Variants in ITGAM observed in about 807,000 individuals in gnomAD.
ITGAM encodes integrin subunit alpha M.
A neutral mutation model predicts 137.5 loss-of-function variants in ITGAM; 79 were observed. The observed-to-expected ratio is 0.57, with a 90% CI of 0.48 to 0.69. The LOEUF is 0.69. Among genes scored for constraint, ITGAM ranks in the 30% least tolerant of loss-of-function variants. The pLI is 0.00. For missense variants in ITGAM, 1,343 were observed against 1,483.5 expected (o/e 0.91, Z 1.56); for synonymous variants, 583 against 592.3 (o/e 0.98, Z 0.23).
In ITGAM at chr16:31,270,973, T is replaced by C. The variant is rs1465136582; in HGVS notation, c.447T>C (p.Ser149=). 2.5e-6 allele frequency: 4 copies of C among 1,574,594 alleles called. No homozygotes were observed. The highest frequency in any genetic ancestry group is 2.6e-6 in the Non-Finnish European group (3 of 1,156,714). Residue 149 remains serine, a synonymous_variant, in exon 6 of 30, where the codon AGT becomes AGC. Coordinates refer to ENST00000544665, the MANE Select transcript of ITGAM (RefSeq NM_000632.4). ...CCCCAGGGTGTCCTCAAGAGGATAGTGACATTGCCTTCTTGATTGATGGCT... is the reference window on the plus strand; with the variant it reads ...CCCCAGGGTGTCCTCAAGAGGATAGCGACATTGCCTTCTTGATTGATGGCT... ...EALRGCPQED[S]DIAFLIDGSG...
At chr16:31,296,837 G>A (rs1194783947) in intron 12 of ITGAM, among the ~76,000 whole-genome samples, 1 of 152,134 alleles carries the variant, frequency 6.6e-6, no homozygotes, top group African/African-American at 2.4e-5. Flanking sequence ...TTAAATAGGT[G>A]AATTTTATGG....
chr16:31,271,769 T>A, intron 6 of ITGAM, 78 bp from the exon 7 acceptor site: 1 of 1,558,866 alleles, frequency 6.4e-7, no homozygotes, highest in Non-Finnish European at 8.7e-7. Flanking sequence ...GTGTTTAAGA[T>A]CTTCGTGGAG....
At chr16:31,331,300 C>T in intron 29 of ITGAM, 25 bp downstream of exon 29, 1 of 1,304,852 alleles carries the variant, frequency 7.7e-7, no homozygotes. Flanking sequence ...TCCCCCACCC[C>T]CTCCCTTCAT....
chr16:31,262,341 T>A (rs79113991), intron 2 of ITGAM, among the ~76,000 whole-genome samples: 1,186 of 14,376 alleles, frequency 0.082, 21 homozygotes, highest in African/African-American at 0.14. Context: ...CCTTCCATCC[T>A]TCCTTCCTTC....
intron 14 of ITGAM, among the ~76,000 whole-genome samples, chr16:31,298,860 GACTTGT>G (rs2080166278): frequency 2.6e-5 from 4 of 152,238 alleles, no homozygotes; most frequent in Admixed American, 2.6e-4. Flanking sequence ...CCATCCTGAT[GACTTGT>G]CACCCTATAT....
rs149488037 is a variant in ITGAM, at chr16:31,290,580, C to A, written c.1357-6934C>A. Among the ~76,000 whole-genome samples, 408 of 152,156 alleles carry A rather than the reference C, an allele frequency of 2.7e-3. 4 individuals carry two copies. Among genetic ancestry groups the A allele is most frequent in the Non-Finnish European group, 2.2e-3 (150 of 68,006 alleles). On this transcript the variant is annotated intron_variant, in intron 12 of 29. Transcript: ENST00000544665. ...TCAGCCGACTAGGAACTAAAGGGAA[C>A]TTCCTCAAGCTGAAAAAGAGCATTT...
chr16:31,267,772 C>T (rs561435995), intron 5 of ITGAM, among the ~76,000 whole-genome samples: 1 of 152,158 alleles, frequency 6.6e-6, no homozygotes, highest in Non-Finnish European at 1.5e-5. Context: ...TGTGCCTCCG[C>T]CTCCAGAGTA....
rs202010329 is a variant in ITGAM at position 31,297,854 on chromosome 16, C to A, written c.1607C>A (p.Thr536Lys). ...VLGDVNGDKL[T>K]DVAIGAPGEE... Reference sequence around the variant, plus strand: ...GGGGACGTAAATGGGGACAAGCTGACGGACGTGGCCATTGGGGCCCCAGGA... The same window carrying A: ...GGGGACGTAAATGGGGACAAGCTGAAGGACGTGGCCATTGGGGCCCCAGGA... Residue 536 changes from threonine to lysine, a missense_variant, in exon 14 of 30, where the codon ACG becomes AAG. Transcript: ENST00000544665. 1.2e-6 allele frequency: 2 copies of A among 1,613,768 alleles called. No individual in the cohort carries two copies.
chr16:31,324,487 C>T lies in ITGAM; in HGVS notation c.2091C>T (p.Ser697=). 1 of 1,594,516 alleles carries T rather than the reference C, an allele frequency of 6.3e-7. No individual in the cohort carries two copies. Among genetic ancestry groups the T allele is most frequent in the Non-Finnish European group, 8.5e-7 (1 of 1,170,816 alleles). The change falls in exon 17 of 30, where the codon AGC becomes AGT. Residue 697 remains serine (S), a synonymous_variant. Transcript: ENST00000544665. This position sits in a 1 kb window ranked among gnomAD's most constrained non-coding sequence, Gnocchi z 4.5. The stretch of plus-strand genomic sequence containing the variant: ...CCGTCTTCAATGAGACAAAGAACAG[C>T]ACACGCAGACAGACACAGGTCTTGG... ...SRAVFNETKN[S]TRRQTQVLGL...
At chr16:31,299,403 G>C (rs1439578842) in intron 14 of ITGAM, among the ~76,000 whole-genome samples, 2 of 152,052 alleles carry the variant, frequency 1.3e-5, no homozygotes, top group Non-Finnish European at 2.9e-5. Context: ...TTACCTCCTG[G>C]GTTCAAGCGA....
intron 8 of ITGAM, among the ~76,000 whole-genome samples, chr16:31,273,942 G>A (rs1207037183): frequency 2.0e-5 from 3 of 152,204 alleles, no homozygotes; most frequent in African/African-American, 7.2e-5. Flanking sequence ...GCCTGGGCAT[G>A]TCCTCATGGT....
rs2144506103 is a variant in ITGAM at position 31,329,255 on chromosome 16, C to T, written c.2820C>T (p.Asn940=). 3 of 1,613,128 alleles carry T rather than the reference C, an allele frequency of 1.9e-6. No individual in the cohort carries two copies. Among genetic ancestry groups the T allele is most frequent in the Non-Finnish European group, 2.5e-6 (3 of 1,179,272 alleles). The change falls in exon 24 of 30, where the codon AAC becomes AAT. Residue 940 remains asparagine, a synonymous_variant. Transcript: ENST00000544665. ...TSHGVSTKYL[N]FTASENTSRV... is the part of the protein sequence containing the mutation. ...ATGGGGTCTCCACTAAATATCTCAA[C>T]TTCACGGCCTCAGAGAATACCAGTC... is the stretch of plus-strand genomic sequence containing the variant.
intron 12 of ITGAM, among the ~76,000 whole-genome samples, chr16:31,283,564 C>G (rs1032843154): frequency 5.3e-5 from 8 of 152,224 alleles, no homozygotes; most frequent in Admixed American, 1.3e-4. Context: ...TGGTTTTCAG[C>G]TCCATCAGGT....
intron 25 of ITGAM, 73 bp from the exon 26 acceptor site, chr16:31,330,008 G>A: frequency 6.4e-7 from 1 of 1,555,154 alleles, no homozygotes; most frequent in East Asian, 2.3e-5. Context: ...CCTGGACCCA[G>A]GCCATCTCAC....
At chr16:31,269,001 G>C (rs902570526) in intron 5 of ITGAM, among the ~76,000 whole-genome samples, 2 of 152,082 alleles carry the variant, frequency 1.3e-5, no homozygotes, top group Non-Finnish European at 2.9e-5. Context: ...GCTATGCAGG[G>C]GACCAGAGTT....
intron 3 of ITGAM, 62 bp downstream of exon 3, chr16:31,265,560 AG>A (rs1427104402): frequency 1.5e-5 from 17 of 1,137,070 alleles, no homozygotes; most frequent in Non-Finnish European, 2.2e-5. Flanking sequence ...GGGACTTTCC[AG>A]GCACTCCTGT....
At chr16:31,330,998 GGAGGAGGGA>G (rs1254868731) in intron 28 of ITGAM, among the ~76,000 whole-genome samples, 158 bp from the exon 29 acceptor site, 1 of 151,872 alleles carries the variant, frequency 6.6e-6, no homozygotes, top group South Asian at 2.1e-4. Context: ...ACAGAGAAAC[GGAGGAGGGA>G]GAGGAGGGAG....
At chr16:31,277,924 G>C (rs578175596) in intron 11 of ITGAM, 43 bp from the exon 12 acceptor site, 1 of 1,548,166 alleles carries the variant, frequency 6.5e-7, no homozygotes, top group Non-Finnish European at 8.7e-7. Flanking sequence ...TGGTGGAGGA[G>C]GGGGCAGGGA....
chr16:31,319,497 G>A (rs562626320), intron 14 of ITGAM, among the ~76,000 whole-genome samples: 7 of 151,826 alleles, frequency 4.6e-5, no homozygotes, highest in Non-Finnish European at 1.0e-4. Context: ...CTCTCTTTTG[G>A]TTACCATTTT....
Sources: allele counts gnomAD v4.1 joint callset (sites outside exome capture counted in the v4.1 genomes callset), GRCh38; gene constraint gnomAD v4.1.1; non-coding constraint Gnocchi (gnomAD v3.1); transcripts MANE v1.5; gene names NCBI Gene and HGNC (gene_info 2026-07-23, HGNC 2026-07-21).